AFF1: variants seen among roughly 807,000 people sequenced by gnomAD.
AFF1 encodes the protein AF4/FMR2 family member 1.
Under a neutral mutation model 121.7 loss-of-function variants are expected in AFF1, and 48 were observed. The ratio of observed to expected loss-of-function variants is 0.39; its 90% CI spans 0.31 to 0.50. The LOEUF (loss-of-function observed/expected upper bound fraction) is 0.50. Among genes scored for constraint, AFF1 ranks in the 20% least tolerant of loss-of-function variants. The pLI, the probability that AFF1 is intolerant of heterozygous loss-of-function variation, is 0.76. For synonymous variants in AFF1, 613 were observed against 563.0 expected, an observed-to-expected ratio of 1.09 and a Z score of -1.26; for missense variants, 1,523 against 1,511.7, an observed-to-expected ratio of 1.01 and a Z score of -0.12.
chr4:86,996,778 G>A (rs1049164818), intron 2 of AFF1, among the ~76,000 whole-genome samples: 5 of 152,178 alleles, frequency 3.3e-5, no homozygotes, highest in East Asian at 1.9e-4. Flanking sequence ...ACTTAAACCC[G>A]ATGTGGCAGT....
chr4:87,114,953 A>G lies in AFF1; in HGVS notation c.2120A>G (p.His707Arg). ...AATGTGGAGGACAGGACCCCTGAGCACTTTGCTCTTGTTCCCCTGACTGAG... is the reference window on the plus strand; with the variant it reads ...AATGTGGAGGACAGGACCCCTGAGCGCTTTGCTCTTGTTCCCCTGACTGAG... ...KDNVEDRTPEHFALVPLTESQ... is the reference protein window; with the variant it reads ...KDNVEDRTPERFALVPLTESQ... Residue 707 changes from histidine (H) to arginine (R), a missense_variant, in exon 12 of 21, where the codon CAC becomes CGC. Coordinates refer to ENST00000395146, the MANE Select transcript of AFF1 (RefSeq NM_001166693.3). 1 of 1,613,074 alleles carries G rather than the reference A, an allele frequency of 6.2e-7. No homozygotes were observed. The highest frequency in any genetic ancestry group is 8.5e-7 in the Non-Finnish European group (1 of 1,179,464).
intron 4 of AFF1, among the ~76,000 whole-genome samples, chr4:87,066,680 G>A (rs1047677515): frequency 6.6e-6 from 1 of 152,110 alleles, no homozygotes; most frequent in Non-Finnish European, 1.5e-5. Context: ...CTCAGCCCTG[G>A]AACTCTCCAC....
At chr4:86,946,024 G>A (rs1720833688) in intron 1 of AFF1, among the ~76,000 whole-genome samples, 1 of 152,134 alleles carries the variant, frequency 6.6e-6, no homozygotes. Context: ...ATTAACCCAT[G>A]TGGTTCTTTT....
intron 8 of AFF1, among the ~76,000 whole-genome samples, chr4:87,102,014 C>T (rs1689017834): frequency 6.6e-6 from 1 of 152,246 alleles, no homozygotes; most frequent in Non-Finnish European, 1.5e-5. Flanking sequence ...TGACTCACTG[C>T]AGCGTGTCTG....
intron 2 of AFF1, among the ~76,000 whole-genome samples, chr4:87,037,453 A>G (rs1462284410): frequency 6.6e-6 from 1 of 152,110 alleles, no homozygotes; most frequent in Admixed American, 6.5e-5. Context: ...CTGGGATTAC[A>G]GGCACACACC....
chr4:87,020,939 G>T (rs2149558015), intron 2 of AFF1: 2 of 726,392 alleles, frequency 2.8e-6, no homozygotes, highest in Non-Finnish European at 3.4e-6. Context: ...AATATATTCT[G>T]CATGCGGATT....
chr4:87,054,246 G>A lies in AFF1; in HGVS notation c.1059+6652G>A, dbSNP rs536542415. On this transcript the variant is annotated intron_variant, in intron 4 of 20. Transcript: ENST00000395146. Reference sequence around the variant, plus strand: ...TAGCCTGGAAATGACAACTGTTCCGGAAAAGCTTATGGGCCACAGGGAGCT... The same window carrying A: ...TAGCCTGGAAATGACAACTGTTCCGAAAAAGCTTATGGGCCACAGGGAGCT... Among the ~76,000 whole-genome samples, 4 of 152,350 alleles carry A rather than the reference G, an allele frequency of 2.6e-5. No homozygotes were observed. In the South Asian group the frequency reaches 8.3e-4, roughly 32 times the overall value.
chr4:87,067,533 C>T lies in AFF1; in HGVS notation c.1060-16587C>T, dbSNP rs964458535. 2.0e-5 allele frequency among the ~76,000 whole-genome samples: 3 copies of T among 152,150 alleles called. No homozygotes were observed. The East Asian group carries it at 5.8e-4, about 29-fold the overall frequency. On this transcript the variant is annotated intron_variant, in intron 4 of 20. Coordinates refer to ENST00000395146, the MANE Select transcript of AFF1 (RefSeq NM_001166693.3). Reference sequence around the variant, plus strand: ...GTGTTGGATTCACATTTGTGGCTAACCAAGATTACAAATTCATGCATGTTC... The same window carrying T: ...GTGTTGGATTCACATTTGTGGCTAATCAAGATTACAAATTCATGCATGTTC...
intron 16 of AFF1, among the ~76,000 whole-genome samples, chr4:87,129,784 A>C (rs777284399): frequency 1.3e-5 from 2 of 152,210 alleles, no homozygotes; most frequent in Non-Finnish European, 2.9e-5. Context: ...TGCTACTGGT[A>C]AAACATGAGA....
At chr4:86,940,767 T>G (rs1177297170) in intron 1 of AFF1, among the ~76,000 whole-genome samples, 1 of 152,042 alleles carries the variant, frequency 6.6e-6, no homozygotes, top group Admixed American at 6.5e-5. Context: ...CTTTTTTTTA[T>G]TTTTCTTTCC....
chr4:86,997,573 C>T (rs753508917), intron 2 of AFF1, among the ~76,000 whole-genome samples: 113 of 147,660 alleles, frequency 7.7e-4, no homozygotes, highest in Non-Finnish European at 6.6e-4. Context: ...CCATCCTGGC[C>T]AACACGGTGA....
intron 5 of AFF1, among the ~76,000 whole-genome samples, chr4:87,088,609 T>C (rs1455103344): frequency 6.6e-6 from 1 of 152,150 alleles, no homozygotes; most frequent in Non-Finnish European, 1.5e-5. Context: ...ATGTCAATTT[T>C]TTTTTTTGTT....
At chr4:87,102,779 A>G (rs1369342593) in intron 8 of AFF1, among the ~76,000 whole-genome samples, 1 of 152,210 alleles carries the variant, frequency 6.6e-6, no homozygotes, top group Non-Finnish European at 1.5e-5. Context: ...CCTAGGCTTT[A>G]TTGCCGTGAC....
chr4:87,105,940 G>T (rs2149746522), intron 10 of AFF1, 95 bp downstream of exon 10: 1 of 1,459,190 alleles, frequency 6.9e-7, no homozygotes, highest in Non-Finnish European at 9.6e-7. Context: ...CACATTTTTT[G>T]TCATGGGAAG....
At chr4:87,003,284 G>T (rs939253281) in intron 2 of AFF1, among the ~76,000 whole-genome samples, 4 of 151,998 alleles carry the variant, frequency 2.6e-5, no homozygotes, top group Non-Finnish European at 5.9e-5. Flanking sequence ...ATTTATTTGA[G>T]ACTAGGCCTT....
intron 4 of AFF1, among the ~76,000 whole-genome samples, chr4:87,072,350 G>T (rs770431541): frequency 1.6e-5 from 2 of 125,512 alleles, no homozygotes; most frequent in Non-Finnish European, 3.3e-5. Flanking sequence ...GCAACAGAGC[G>T]AGACTCCGTC....
chr4:87,134,527 G>C lies in AFF1; in HGVS notation c.3368G>C (p.Gly1123Ala), dbSNP rs1729135994. ...ATGCCTTCTCCTGCCAGCTCCGTAG[G>C]GTCCCAGTCAAGTGCTGGCAGTGTG... ...SPMPSPASSV[G>A]SQSSAGSVGS... Residue 1123 changes from glycine to alanine, a missense_variant, in exon 20 of 21, where the codon GGG becomes GCG. Coordinates refer to ENST00000395146, the MANE Select transcript of AFF1 (RefSeq NM_001166693.3). 2 of 1,613,642 alleles carry C rather than the reference G, an allele frequency of 1.2e-6. No individual in the cohort carries two copies. The highest frequency in any genetic ancestry group is 8.5e-7 in the Non-Finnish European group (1 of 1,179,920).
chr4:86,980,776 T>C (rs1723675000), intron 2 of AFF1, among the ~76,000 whole-genome samples: 1 of 152,188 alleles, frequency 6.6e-6, no homozygotes, highest in Admixed American at 6.5e-5. Flanking sequence ...AGCTAGACTT[T>C]CCTGAATGTA....
At chr4:86,995,359 C>T (rs902507675) in intron 2 of AFF1, among the ~76,000 whole-genome samples, 2 of 139,988 alleles carry the variant, frequency 1.4e-5, no homozygotes, top group African/African-American at 2.6e-5. Flanking sequence ...CCTCTGATGC[C>T]GAGCCGAAGC....
Sources: allele counts gnomAD v4.1 joint callset (sites outside exome capture counted in the v4.1 genomes callset), GRCh38; gene constraint gnomAD v4.1.1; transcripts MANE v1.5; gene names NCBI Gene and HGNC (gene_info 2026-07-23, HGNC 2026-07-21).